RAD51B: variants seen among roughly 807,000 people sequenced by gnomAD.
RAD51B encodes DNA repair protein RAD51 homolog 2.
A neutral mutation model predicts 42.2 loss-of-function variants in RAD51B; 38 were observed. The ratio of observed to expected loss-of-function variants is 0.90; its 90% CI spans 0.70 to 1.18. RAD51B has a LOEUF of 1.18. RAD51B is among the 50% of genes most tolerant of loss of function. RAD51B has a pLI of 0.00. For synonymous variants in RAD51B, 154 were observed against 145.2 expected (o/e 1.06, Z -0.43); for missense variants, 373 against 400.7 (o/e 0.93, Z 0.59).
intron 7 of RAD51B, among the ~76,000 whole-genome samples, chr14:68,053,323 T>C (rs573740271): frequency 6.6e-6 from 1 of 152,162 alleles, no homozygotes; most frequent in South Asian, 2.1e-4. Flanking sequence ...GATCACTTCA[T>C]TGGGAATGCC....
chr14:68,008,978 T>C (rs912853634), intron 7 of RAD51B, among the ~76,000 whole-genome samples: 1 of 152,034 alleles, frequency 6.6e-6, no homozygotes, highest in African/African-American at 2.4e-5. Context: ...TCTTTCACTC[T>C]GATCTCCTTA....
At chr14:68,408,307 AACTGGAGGGTCAAAGG>A (rs2084331595) in intron 8 of RAD51B, among the ~76,000 whole-genome samples, 1 of 152,238 alleles carries the variant, frequency 6.6e-6, no homozygotes, top group Admixed American at 6.5e-5. Flanking sequence ...AAACCAGATT[AACTGGAGGGTCAAAGG>A]AAGGAACAGA....
At chr14:68,409,141 A>G (rs993460789) in intron 8 of RAD51B, among the ~76,000 whole-genome samples, 6 of 152,224 alleles carry the variant, frequency 3.9e-5, no homozygotes, top group Admixed American at 1.3e-4. Flanking sequence ...GCTGAACTGT[A>G]CACTTGAAAT....
chr14:68,583,689 C>T (rs1422660144), intron 10 of RAD51B, among the ~76,000 whole-genome samples: 1 of 152,174 alleles, frequency 6.6e-6, no homozygotes, highest in Non-Finnish European at 1.5e-5. Flanking sequence ...CATGTGCAAG[C>T]TCCGCAGTGC....
At chr14:68,236,865 T>G (rs546544986) in intron 7 of RAD51B, among the ~76,000 whole-genome samples, 4 of 152,292 alleles carry the variant, frequency 2.6e-5, no homozygotes, top group African/African-American at 9.6e-5. Flanking sequence ...TATATAGATT[T>G]GCAGACATCC....
intron 8 of RAD51B, among the ~76,000 whole-genome samples, chr14:68,362,463 T>C (rs1405115745): frequency 1.3e-5 from 2 of 152,178 alleles, no homozygotes; most frequent in African/African-American, 4.8e-5. Flanking sequence ...AGAGGCGAAG[T>C]TGGGGAGCTT....
chr14:68,313,662 G>A (rs2082004045), intron 8 of RAD51B, among the ~76,000 whole-genome samples: 1 of 152,128 alleles, frequency 6.6e-6, no homozygotes, highest in Non-Finnish European at 1.5e-5. Context: ...TTAGTACCTT[G>A]GCACTCAGGA....
intron 11 of RAD51B, among the ~76,000 whole-genome samples, chr14:68,681,399 G>T (rs1013713314): frequency 6.6e-6 from 1 of 152,132 alleles, no homozygotes; most frequent in Non-Finnish European, 1.5e-5. Flanking sequence ...GAATAGGAAG[G>T]TGAAGGAGGA....
intron 7 of RAD51B, among the ~76,000 whole-genome samples, chr14:67,934,166 T>C (rs2044845616): frequency 6.6e-6 from 1 of 152,218 alleles, no homozygotes; most frequent in Non-Finnish European, 1.5e-5. Flanking sequence ...AAGGGAACTG[T>C]AACCACTAGG....
chr14:68,557,124 T>G (rs547278129), intron 10 of RAD51B, among the ~76,000 whole-genome samples: 1 of 152,318 alleles, frequency 6.6e-6, no homozygotes, highest in African/African-American at 2.4e-5. Context: ...TAAACTCCCT[T>G]GTATGGGGTC....
chr14:68,534,940 A>T, intron 10 of RAD51B, among the ~76,000 whole-genome samples: 1 of 152,146 alleles, frequency 6.6e-6, no homozygotes, highest in East Asian at 1.9e-4. Flanking sequence ...CTTTATATAT[A>T]TTATTATTGT....
intron 8 of RAD51B, among the ~76,000 whole-genome samples, chr14:68,372,042 G>C (rs2139954267): frequency 2.0e-5 from 3 of 152,292 alleles, no homozygotes; most frequent in Non-Finnish European, 4.4e-5. Flanking sequence ...AGGGAGGAGA[G>C]GATCAGGTGG....
intron 3 of RAD51B, among the ~76,000 whole-genome samples, chr14:67,829,994 A>G (rs769519234): frequency 2.0e-5 from 3 of 152,170 alleles, no homozygotes; most frequent in Admixed American, 6.5e-5. Flanking sequence ...GAGATAGGCA[A>G]AGGAGCTGGG....
intron 2 of RAD51B, 151 bp downstream of exon 2, chr14:67,823,778 C>G: frequency 1.7e-6 from 1 of 602,524 alleles, no homozygotes; most frequent in Non-Finnish European, 2.7e-6. Flanking sequence ...AAATATCAAG[C>G]CTCCTTGGGT....
At chr14:68,577,208 C>T (rs1890000146) in intron 10 of RAD51B, among the ~76,000 whole-genome samples, 1 of 152,158 alleles carries the variant, frequency 6.6e-6, no homozygotes, top group African/African-American at 2.4e-5. Context: ...CAAAAGGAGA[C>T]ACATGGGTCC....
At chr14:68,646,966 T>C (rs1419746223) in intron 10 of RAD51B, among the ~76,000 whole-genome samples, 1 of 152,222 alleles carries the variant, frequency 6.6e-6, no homozygotes, top group Non-Finnish European at 1.5e-5. Flanking sequence ...ATTTTATAAT[T>C]CATTCATGTA....
intron 9 of RAD51B, among the ~76,000 whole-genome samples, chr14:68,431,880 G>T (rs958334651): frequency 1.3e-5 from 2 of 152,004 alleles, no homozygotes; most frequent in African/African-American, 2.4e-5. Context: ...TTTCTCTTGC[G>T]GGCATTTAGT....
At chr14:68,593,998 C>T (rs1265404958) in intron 10 of RAD51B, among the ~76,000 whole-genome samples, 2 of 152,172 alleles carry the variant, frequency 1.3e-5, no homozygotes, top group Non-Finnish European at 2.9e-5. Context: ...CTCACTGGGG[C>T]ACTTTGTTTG....
At position 68,263,826 on chromosome 14, in the gene RAD51B, A is replaced by G. The variant is rs984241200; in HGVS notation, c.757-28058A>G. On this transcript the variant is annotated intron_variant, in intron 7 of 10. Transcript: ENST00000471583. ...CTGGTTTAAATAAGCACTAATGGCAAACTTGATCATCAGAAACTAGAATGC... is the reference window on the plus strand; with the variant it reads ...CTGGTTTAAATAAGCACTAATGGCAGACTTGATCATCAGAAACTAGAATGC... Among the ~76,000 whole-genome samples the G allele has an allele frequency of 3.3e-5, 5 of 152,370 alleles. No homozygotes were observed. The East Asian group carries it at 5.8e-4, about 18-fold the overall frequency.
Sources: gnomAD v4.1 joint callset for allele counts (sites outside exome capture counted in the v4.1 genomes callset) on GRCh38, gnomAD v4.1.1 for gene constraint, MANE v1.5 for transcripts, NCBI Gene and HGNC (gene_info 2026-07-23, HGNC 2026-07-21) for gene names.